Variants in CHM observed in about 807,000 individuals in gnomAD.
The protein encoded by CHM is rab proteins geranylgeranyltransferase component A 1.
CHM carries 10 observed loss-of-function variants against 49.0 expected under a neutral mutation model. The observed-to-expected ratio is 0.20, with a 90% CI of 0.13 to 0.35. The LOEUF (loss-of-function observed/expected upper bound fraction) is 0.35, where lower values mean the gene tolerates loss of function less well. Among genes scored for constraint, CHM ranks in the 10% least tolerant of loss-of-function variants. CHM has a pLI of 1.00. For missense variants in CHM, 455 were observed against 478.4 expected (o/e 0.95, Z 0.46); for synonymous variants, 184 against 167.5 (o/e 1.10, Z -0.76).
chrX:86,010,185 GA>G (rs1933000437), intron 2 of CHM, among the ~76,000 whole-genome samples: 1 of 86,417 alleles, frequency 1.2e-5, no homozygotes, highest in Non-Finnish European at 2.2e-5. Context: ...GGGGCCTGTA[GA>G]GGGGTGGGGG....
chrX:85,984,368 A>G (rs1931796193), intron 2 of CHM, among the ~76,000 whole-genome samples: 1 of 111,504 alleles, frequency 9.0e-6, no homozygotes, highest in Admixed American at 9.5e-5. Flanking sequence ...AAAGTACGCA[A>G]TATCATTAGG....
At chrX:85,982,625 C>T (rs1056990586) in intron 2 of CHM, among the ~76,000 whole-genome samples, 2 of 110,775 alleles carry the variant, frequency 1.8e-5, no homozygotes, top group Non-Finnish European at 3.8e-5. Context: ...ATTGGGGCTC[C>T]GGATCCTTGT....
intron 8 of CHM, among the ~76,000 whole-genome samples, chrX:85,934,278 C>T (rs1928632220): frequency 1.0e-5 from 1 of 95,765 alleles, no homozygotes; most frequent in Non-Finnish European, 2.0e-5. Flanking sequence ...CTGCGCTCAG[C>T]CTTTTTTTTT....
At chrX:85,966,773 C>T (rs1320793092) in intron 4 of CHM, among the ~76,000 whole-genome samples, 1 of 111,437 alleles carries the variant, frequency 9.0e-6, no homozygotes, top group Non-Finnish European at 1.9e-5. Flanking sequence ...CAAAATATGG[C>T]AACTTCTCTT....
chrX:85,979,019 C>A, intron 3 of CHM, 128 bp from the exon 4 acceptor site: 1 of 650,332 alleles, frequency 1.5e-6, no homozygotes, highest in Non-Finnish European at 2.3e-6. Context: ...AGGATATCAC[C>A]TCAGAGTCAC....
At chrX:85,929,015 A>C (rs1928256985) in intron 8 of CHM, among the ~76,000 whole-genome samples, 1 of 112,209 alleles carries the variant, frequency 8.9e-6, no homozygotes, top group African/African-American at 3.2e-5. Context: ...AGCAAATTAA[A>C]TATGATGCAT....
intron 14 of CHM, among the ~76,000 whole-genome samples, chrX:85,872,274 T>C (rs1442686858): frequency 1.8e-5 from 2 of 112,330 alleles, no homozygotes; most frequent in Admixed American, 9.5e-5. Flanking sequence ...AATGGACAGA[T>C]GTGCCAGTTC....
At chrX:85,987,190 G>T (rs776412289) in intron 2 of CHM, among the ~76,000 whole-genome samples, 1 of 111,959 alleles carries the variant, frequency 8.9e-6, no homozygotes. Flanking sequence ...ATAAATCACT[G>T]GCATCCCTGA....
In CHM at chrX:85,971,448, C is replaced by A. The variant is rs148339190; in HGVS notation, c.314+7319G>T. 4 of 163,009 alleles carry A rather than the reference C, an allele frequency of 2.5e-5. No homozygotes were observed. In the South Asian group the frequency reaches 3.4e-4, roughly 14 times the overall value. The allele number at this position is 163,009 out of a possible 1,213,427, so 13.4% of individuals were successfully genotyped here. ...GCTCAGGAGTGAAGCTGCAGACCTT[C>A]GCGGTGAATGTTACAGCTCTTAAGG... On this transcript the variant is annotated intron_variant, in intron 4 of 14. Transcript: ENST00000357749.
At chrX:85,951,162 A>T (rs764614760) in intron 8 of CHM, among the ~76,000 whole-genome samples, 1 of 112,233 alleles carries the variant, frequency 8.9e-6, no homozygotes, top group South Asian at 3.7e-4. Context: ...TTAAAAGATG[A>T]ATACTTAATT....
intron 2 of CHM, among the ~76,000 whole-genome samples, chrX:86,001,160 T>A (rs779101313): frequency 9.0e-6 from 1 of 111,711 alleles, no homozygotes; most frequent in South Asian, 3.7e-4. Flanking sequence ...AAGAAAAATA[T>A]CATAAGTCCA....
chrX:85,866,073 A>G (rs1923669933), intron 14 of CHM, among the ~76,000 whole-genome samples: 2 of 112,863 alleles, frequency 1.8e-5, no homozygotes, highest in African/African-American at 6.4e-5. Context: ...CAAGCTGGCT[A>G]TAGCAATTTG....
chrX:85,921,922 A>T (rs2148184018), intron 8 of CHM, among the ~76,000 whole-genome samples: 1 of 112,078 alleles, frequency 8.9e-6, no homozygotes, highest in Admixed American at 9.5e-5. Context: ...ATTTTTATAT[A>T]CACACACACA....
intron 1 of CHM, among the ~76,000 whole-genome samples, chrX:86,043,462 G>T (rs986044031): frequency 9.2e-6 from 1 of 108,851 alleles, no homozygotes; most frequent in Non-Finnish European, 1.9e-5. Context: ...CTGAAGTGCA[G>T]TGACACAACT....
At position 85,865,157 on chromosome X, in the gene CHM, T is replaced by C. The variant is rs186955744; in HGVS notation, c.1771-336A>G. 8.1e-5 allele frequency among the ~76,000 whole-genome samples: 9 copies of C among 111,788 alleles called. 1 individual carries two copies. In the East Asian group the frequency reaches 2.3e-3, roughly 28 times the overall value. Reference sequence around the variant, plus strand: ...TCCTTAATATTGTTTATATGATTTCTTATAGAGCCTTGATATGGTTTGGTT... The same window carrying C: ...TCCTTAATATTGTTTATATGATTTCCTATAGAGCCTTGATATGGTTTGGTT... On this transcript the variant is annotated intron_variant, in intron 14 of 14. Transcript: ENST00000357749.
chrX:85,929,390 C>A (rs1030963655), intron 8 of CHM, among the ~76,000 whole-genome samples: 10 of 112,252 alleles, frequency 8.9e-5, no homozygotes, highest in Non-Finnish European at 1.7e-4. Context: ...AGGAATTCCT[C>A]CCTGTTCCTG....
At chrX:86,034,729 G>A (rs997724090) in intron 1 of CHM, among the ~76,000 whole-genome samples, 31 of 111,283 alleles carry the variant, frequency 2.8e-4, no homozygotes, top group African/African-American at 9.8e-4. Flanking sequence ...GTAGTGAGCC[G>A]AGATCACGCC....
At chrX:85,884,267 T>TA (rs993467555) in intron 12 of CHM, among the ~76,000 whole-genome samples, 1 of 111,018 alleles carries the variant, frequency 9.0e-6, no homozygotes, top group Non-Finnish European at 1.9e-5. Context: ...TTTACTACTT[T>TA]AAAAAAAGAT....
chrX:86,031,122 G>C (rs1413249317), intron 1 of CHM, among the ~76,000 whole-genome samples: 2 of 111,278 alleles, frequency 1.8e-5, no homozygotes, highest in Non-Finnish European at 3.8e-5. Context: ...TTTAAAAATA[G>C]GCAAATTCAC....
Sources: gnomAD v4.1 joint callset for allele counts (sites outside exome capture counted in the v4.1 genomes callset) on GRCh38, gnomAD v4.1.1 for gene constraint, MANE v1.5 for transcripts, NCBI Gene and HGNC (gene_info 2026-07-23, HGNC 2026-07-21) for gene names.